Variants in RNF19B observed in about 807,000 individuals in gnomAD.
RNF19B encodes E3 ubiquitin-protein ligase RNF19B.
RNF19B carries 23 observed loss-of-function variants against 65.5 expected under a neutral mutation model. That is an observed-to-expected ratio of 0.35 (90% CI 0.25 to 0.50). The LOEUF (loss-of-function observed/expected upper bound fraction) is 0.50. RNF19B is among the 20% of genes least tolerant of loss of function. The probability of loss-of-function intolerance (pLI) is 0.98; values close to 1 mark genes in which losing one functional copy is unlikely to be tolerated. For synonymous variants in RNF19B, 372 were observed against 379.6 expected (o/e 0.98, Z 0.23); for missense variants, 794 against 980.0 (o/e 0.81, Z 2.53).
Position 32,942,458 on chromosome 1 carries a change from C to T in RNF19B, c.1404G>A (p.Val468=), listed in dbSNP as rs764088287. 17 of 1,613,524 alleles carry T rather than the reference C, an allele frequency of 1.1e-5. No individual in the cohort carries two copies. Among genetic ancestry groups the T allele is most frequent in the Middle Eastern group, 3.3e-4 (2 of 6,054 alleles). ...EFDEDDGPIT[V]ADAWRALKNP... is the part of the protein sequence containing the mutation. ...TCTTGAGGGCTCTCCAGGCATCTGC[C>T]ACTGGGGATAGAACCAAACATCCAA... Residue 468 remains valine, a splice_region_variant and synonymous_variant, in exon 7 of 9, where the codon GTG becomes GTA. Coordinates refer to ENST00000235150, the MANE Select transcript of RNF19B (RefSeq NM_001300826.2).
intron 6 of RNF19B, among the ~76,000 whole-genome samples, chr1:32,943,565 G>A (rs1385088775): frequency 1.3e-5 from 2 of 151,642 alleles, no homozygotes; most frequent in Non-Finnish European, 2.9e-5. Context: ...GCAGTGAACC[G>A]AGATCGCGAC....
intron 1 of RNF19B, among the ~76,000 whole-genome samples, chr1:32,958,443 G>A (rs774468155): frequency 6.6e-6 from 1 of 152,130 alleles, no homozygotes; most frequent in South Asian, 2.1e-4. Context: ...ATGGCCGGGC[G>A]TGGTGGCTCA....
intron 1 of RNF19B, among the ~76,000 whole-genome samples, chr1:32,963,672 C>T (rs1222450907): frequency 6.6e-6 from 1 of 150,912 alleles, no homozygotes; most frequent in Non-Finnish European, 1.5e-5. Context: ...GAGCCGAGAT[C>T]GCGCCATTGC....
chr1:32,935,841 A>G (rs1279993601), downstream of RNF19B, among the ~76,000 whole-genome samples: 12 of 151,892 alleles, frequency 7.9e-5, no homozygotes, highest in East Asian at 1.9e-3. Flanking sequence ...CTGCCTCCCC[A>G]GGCTCAAGCG....
intron 5 of RNF19B, 70 bp from the exon 6 acceptor site, chr1:32,944,229 C>A (rs1344299774): frequency 1.0e-4 from 157 of 1,526,026 alleles, no homozygotes; most frequent in Non-Finnish European, 1.3e-4. Context: ...TCTTCCCAGT[C>A]TGGGCATGGA....
chr1:32,962,710 C>T (rs1490226293), intron 1 of RNF19B, among the ~76,000 whole-genome samples: 2 of 152,194 alleles, frequency 1.3e-5, no homozygotes, highest in African/African-American at 2.4e-5. Flanking sequence ...ACTAGCATTA[C>T]GTTTACACAC....
At chr1:32,938,225 C>A in intron 8 of RNF19B, 172 bp downstream of exon 8, 3 of 431,244 alleles carry the variant, frequency 7.0e-6, no homozygotes, top group Non-Finnish European at 1.2e-5. Flanking sequence ...CAAGAAGAAT[C>A]AAGAGATGCC....
In RNF19B at chr1:32,945,146, C is replaced by T. The variant is rs150975427; in HGVS notation, c.1261+368G>A. On this transcript the variant is annotated intron_variant, in intron 5 of 8. Transcript: ENST00000235150. ...TATTATTCTAAAACAAACTCTTATG[C>T]CTCCCAAAGTAATGTGAAGCATTAA... Among the ~76,000 whole-genome samples, 784 of 152,248 alleles carry T rather than the reference C, an allele frequency of 5.1e-3. 9 individuals carry two copies. The highest frequency in any genetic ancestry group is 0.018 in the African/African-American group (728 of 41,526).
chr1:32,931,991 T>TGTA (rs149976529), downstream of RNF19B, among the ~76,000 whole-genome samples: 2,518 of 152,368 alleles, frequency 0.017, 26 homozygotes, highest in Non-Finnish European at 0.023. Context: ...TTTGAGGGCC[T>TGTA]GTTACTAGTA....
chr1:32,958,901 G>A (rs1257083977), intron 1 of RNF19B, among the ~76,000 whole-genome samples: 2 of 152,150 alleles, frequency 1.3e-5, no homozygotes, highest in South Asian at 2.1e-4. Flanking sequence ...ATCTGAGACA[G>A]ATGTATTGGG....
chr1:32,960,854 A>T (rs1642753520), intron 1 of RNF19B, among the ~76,000 whole-genome samples: 1 of 151,934 alleles, frequency 6.6e-6, no homozygotes, highest in Non-Finnish European at 1.5e-5. Flanking sequence ...AATAATATTA[A>T]TAATAATAAT....
In RNF19B at chr1:32,937,464, C is replaced by T. The variant is rs563050858; in HGVS notation, c.1743-205G>A. Among the ~76,000 whole-genome samples, 9 of 152,232 alleles carry T rather than the reference C, an allele frequency of 5.9e-5. No homozygotes were observed. The South Asian group carries it at 8.3e-4, about 14-fold the overall frequency. On this transcript the variant is annotated intron_variant, in intron 8 of 8. Coordinates refer to ENST00000235150, the MANE Select transcript of RNF19B (RefSeq NM_001300826.2). ...TGGTGGCTCATGCCTATAACCCCAGCGCTTTGGGAGGTCGAGGTGTGAGGA... is the reference window on the plus strand; with the variant it reads ...TGGTGGCTCATGCCTATAACCCCAGTGCTTTGGGAGGTCGAGGTGTGAGGA...
At chr1:32,957,170 T>C (rs574357443) in intron 1 of RNF19B, among the ~76,000 whole-genome samples, 8 of 152,210 alleles carry the variant, frequency 5.3e-5, no homozygotes, top group African/African-American at 1.7e-4. Flanking sequence ...CGTTTTCAGG[T>C]TGATCTCTAG....
Position 32,937,137 on chromosome 1 carries a change from T to C in RNF19B, c.1865A>G (p.Glu622Gly), listed in dbSNP as rs1293411295. 6.2e-7 allele frequency: 1 copy of C among 1,614,186 alleles called. No homozygotes were observed. Among genetic ancestry groups the C allele is most frequent in the East Asian group, 2.2e-5 (1 of 44,884 alleles). ...ACTGCCTCCGCCACCACTACCTTCT[T>C]CTTCATTCTCTGCCATCTGAGCATG... is the stretch of plus-strand genomic sequence containing the variant. ...HVHAQMAENE[E>G]EGSGGGGSEE... Residue 622 changes from glutamate to glycine, a missense_variant, in exon 9 of 9, where the codon GAA (glutamate) becomes GGA (glycine). Around this residue, in one of 3 missense-constraint regions of RNF19B, gnomAD observed 368 missense variants for 447.3 expected, o/e 0.82. Coordinates refer to ENST00000235150, the MANE Select transcript of RNF19B (RefSeq NM_001300826.2).
At chr1:32,956,589 AT>A (rs1642645083) in intron 1 of RNF19B, among the ~76,000 whole-genome samples, 2 of 152,176 alleles carry the variant, frequency 1.3e-5, no homozygotes, top group African/African-American at 4.8e-5. Context: ...AAAATAAAAA[AT>A]AATAAAAAAG....
chr1:32,960,180 T>C (rs567256777), intron 1 of RNF19B, among the ~76,000 whole-genome samples: 2 of 152,360 alleles, frequency 1.3e-5, no homozygotes, highest in African/African-American at 4.8e-5. Context: ...CTACAAATAT[T>C]CTGTAAACAA....
At chr1:32,938,037 A>C (rs1642144443) in intron 8 of RNF19B, among the ~76,000 whole-genome samples, 1 of 151,780 alleles carries the variant, frequency 6.6e-6, no homozygotes, top group South Asian at 2.1e-4. Context: ...AATCCTATCA[A>C]GCAAAGGGCA....
intron 1 of RNF19B, among the ~76,000 whole-genome samples, chr1:32,955,175 C>T (rs1243176507): frequency 6.6e-6 from 1 of 152,070 alleles, no homozygotes; most frequent in Non-Finnish European, 1.5e-5. Flanking sequence ...GTCTAGTATA[C>T]TGGTTCATGC....
chr1:32,934,915 A>C (rs984136635), downstream of RNF19B, among the ~76,000 whole-genome samples: 2 of 151,856 alleles, frequency 1.3e-5, no homozygotes, highest in East Asian at 2.0e-4. Context: ...TCACTGCAAC[A>C]TCCGCCTCCC....
Sources: gnomAD v4.1 joint callset for allele counts (sites outside exome capture counted in the v4.1 genomes callset) on GRCh38, gnomAD v4.1.1 for gene constraint, gnomAD v4.1.1 regional missense constraint, MANE v1.5 for transcripts, NCBI Gene and HGNC (gene_info 2026-07-23, HGNC 2026-07-21) for gene names.